Variants in NRG1 observed in about 807,000 individuals in gnomAD.
NRG1 encodes the protein neuregulin 1, also known as pro-neuregulin-1, membrane-bound isoform.
In NRG1, 18 loss-of-function variants were observed where a neutral mutation model predicts 63.8. The ratio of observed to expected loss-of-function variants is 0.28; its 90% confidence interval spans 0.19 to 0.42. The LOEUF (loss-of-function observed/expected upper bound fraction) is 0.42, where lower values mean the gene tolerates loss of function less well. Ranked by LOEUF, NRG1 falls within the 10% of genes least tolerant of loss-of-function variation. The probability of loss-of-function intolerance (pLI) is 1.00; values close to 1 mark genes in which losing one functional copy is unlikely to be tolerated. For missense variants in NRG1, 762 were observed against 814.7 expected (o/e 0.94, Z 0.79); for synonymous variants, 302 against 301.3 (o/e 1.00, Z -0.02).
At chr8:32,626,643 G>A (rs980791338) in intron 5 of NRG1, among the ~76,000 whole-genome samples, 1 of 151,520 alleles carries the variant, frequency 6.6e-6, no homozygotes. Flanking sequence ...TCGCGCCACT[G>A]CCCTCCAGCC....
intron 1 of NRG1, among the ~76,000 whole-genome samples, chr8:32,396,633 C>T (rs1318324131): frequency 6.6e-6 from 1 of 151,982 alleles, no homozygotes; most frequent in African/African-American, 2.4e-5. Context: ...TTTTTAATAG[C>T]AATGGGGTTT....
intron 1 of NRG1, among the ~76,000 whole-genome samples, chr8:31,683,756 G>A (rs2131078107): frequency 6.6e-6 from 1 of 152,198 alleles, no homozygotes; most frequent in East Asian, 1.9e-4. Context: ...ACTGTGCTGG[G>A]GGATGACCAT....
At chr8:31,906,295 G>C (rs13255747) in intron 1 of NRG1, among the ~76,000 whole-genome samples, 4 of 152,174 alleles carry the variant, frequency 2.6e-5, no homozygotes, top group Admixed American at 1.3e-4. Context: ...CTCAGAGCAT[G>C]TGACACAAAT....
chr8:32,227,063 G>A (rs953424508), intron 1 of NRG1, among the ~76,000 whole-genome samples: 2 of 152,126 alleles, frequency 1.3e-5, no homozygotes, highest in Admixed American at 6.6e-5. Context: ...TTTCTGGCAA[G>A]GGCTATTTCT....
At chr8:32,054,920 C>T (rs1822655554) in intron 1 of NRG1, among the ~76,000 whole-genome samples, 1 of 111,940 alleles carries the variant, frequency 8.9e-6, no homozygotes, top group South Asian at 3.2e-4. Flanking sequence ...ATGAGTCTCG[C>T]TCTGTCACCC....
rs568742486 is a variant in NRG1 at position 32,308,238 on chromosome 8, TCTAA to T, written c.38-287587_38-287584del. Among the ~76,000 whole-genome samples, 398 of 152,316 alleles carry T rather than the reference TCTAA, an allele frequency of 2.6e-3. 2 individuals are homozygous for T. The highest frequency in any genetic ancestry group is 9.0e-3 in the African/African-American group (376 of 41,558). ...TTTAGAATCCTTCGCTTTCCAAGACTCTAACTGATTTGTGGCCACAGTGATCTTT... is the reference window on the plus strand; with the variant it reads ...TTTAGAATCCTTCGCTTTCCAAGACTCTGATTTGTGGCCACAGTGATCTTT... On this transcript the variant is annotated intron_variant, in intron 1 of 10. Coordinates refer to the NRG1 transcript ENST00000519301.
At chr8:32,163,784 G>A (rs754907473) in intron 1 of NRG1, among the ~76,000 whole-genome samples, 1 of 152,102 alleles carries the variant, frequency 6.6e-6, no homozygotes, top group African/African-American at 2.4e-5. Flanking sequence ...ATTCATTTTC[G>A]GATTCTTGGC....
At chr8:32,212,861 T>A (rs1844831916) in intron 1 of NRG1, among the ~76,000 whole-genome samples, 1 of 152,210 alleles carries the variant, frequency 6.6e-6, no homozygotes, top group Non-Finnish European at 1.5e-5. Flanking sequence ...TTATTTTAAA[T>A]TTGCATTGTG....
chr8:32,361,451 T>C (rs962312698), intron 1 of NRG1, among the ~76,000 whole-genome samples: 1 of 152,154 alleles, frequency 6.6e-6, no homozygotes, highest in Non-Finnish European at 1.5e-5. Context: ...ATGTGTGTTT[T>C]AGGGGTCTCA....
intron 1 of NRG1, among the ~76,000 whole-genome samples, chr8:31,989,253 C>CAAAAAAAA (rs10692906): frequency 0.014 from 651 of 47,314 alleles, 90 homozygotes; most frequent in East Asian, 0.076. Flanking sequence ...GACTCTGTCT[C>CAAAAAAAA]AAAAAAAAAA....
At chr8:32,390,077 C>G (rs1242318968) in intron 1 of NRG1, among the ~76,000 whole-genome samples, 5 of 152,030 alleles carry the variant, frequency 3.3e-5, no homozygotes, top group Admixed American at 6.5e-5. Flanking sequence ...TCTTACTGTT[C>G]GTCATTTTTT....
intron 5 of NRG1, among the ~76,000 whole-genome samples, chr8:32,641,774 A>T (rs1199365679): frequency 6.6e-6 from 1 of 152,220 alleles, no homozygotes; most frequent in African/African-American, 2.4e-5. Context: ...TGCTCTGAGA[A>T]CATTTTCACT....
intron 1 of NRG1, among the ~76,000 whole-genome samples, chr8:31,728,533 C>A (rs1183974326): frequency 1.3e-5 from 2 of 152,086 alleles, no homozygotes; most frequent in Non-Finnish European, 2.9e-5. Context: ...TTTCAAGGAA[C>A]TTTTCTGCAG....
chr8:32,640,344 AAAG>A (rs1182268860), intron 5 of NRG1, among the ~76,000 whole-genome samples: 1 of 151,202 alleles, frequency 6.6e-6, no homozygotes, highest in Non-Finnish European at 1.5e-5. Context: ...CACACGTCTC[AAAG>A]ATGTTTCCCA....
intron 1 of NRG1, among the ~76,000 whole-genome samples, chr8:31,871,314 A>T (rs748160571): frequency 1.6e-4 from 24 of 152,250 alleles, no homozygotes; most frequent in Non-Finnish European, 2.9e-4. Context: ...ATTCTGTGAC[A>T]CGGTAAATGA....
At chr8:32,704,758 G>A (rs1198958190) in intron 5 of NRG1, among the ~76,000 whole-genome samples, 2 of 152,132 alleles carry the variant, frequency 1.3e-5, no homozygotes, top group African/African-American at 4.8e-5. Context: ...TCACTAAAAT[G>A]TAATGTTCCT....
At position 31,907,890 on chromosome 8, in the gene NRG1, C is replaced by T. The variant is rs115073922; in HGVS notation, c.37+268459C>T. 2.3e-3 allele frequency among the ~76,000 whole-genome samples: 357 copies of T among 152,250 alleles called. 3 individuals are homozygous for T. Among genetic ancestry groups the T allele is most frequent in the African/African-American group, 8.2e-3 (342 of 41,556 alleles). On this transcript the variant is annotated intron_variant, in intron 1 of 10. Coordinates refer to the NRG1 transcript ENST00000519301. ...TATCCAGAAAATGTCTACTATTCAT[C>T]ACTGTATGCCTTCTTCTTTTTAGCA...
rs149410115 is a variant in NRG1, at chr8:32,609,478, T to C, written c.400+3795T>C. Among the ~76,000 whole-genome samples, 668 of 151,992 alleles carry C rather than the reference T, an allele frequency of 4.4e-3. 3 individuals are homozygous for C. Among genetic ancestry groups the C allele is most frequent in the African/African-American group, 0.015 (635 of 41,446 alleles). Reference sequence around the variant, plus strand: ...TATAAATTGCCGCACCACTGAACCATGTCTTCCTAAATAGATATTTACCGT... The same window carrying C: ...TATAAATTGCCGCACCACTGAACCACGTCTTCCTAAATAGATATTTACCGT... On this transcript the variant is annotated intron_variant, in intron 3 of 11. Coordinates refer to ENST00000356819, the Ensembl canonical transcript of NRG1.
intron 1 of NRG1, among the ~76,000 whole-genome samples, chr8:31,695,863 A>AC (rs1554508484): frequency 6.6e-6 from 1 of 152,156 alleles, no homozygotes; most frequent in Non-Finnish European, 1.5e-5. Context: ...ATAATCAAAT[A>AC]TGAGAAATAT....
Sources: gnomAD v4.1 joint callset for allele counts (sites outside exome capture counted in the v4.1 genomes callset) on GRCh38, gnomAD v4.1.1 for gene constraint, MANE v1.5 for transcripts, NCBI Gene and HGNC (gene_info 2026-07-23, HGNC 2026-07-21) for gene names.